Variants in CTNNA3 observed in about 807,000 individuals in gnomAD.
CTNNA3 encodes catenin alpha 3.
CTNNA3 carries 76 observed loss-of-function variants against 95.7 expected under a neutral mutation model. The ratio of observed to expected loss-of-function variants is 0.79; its 90% CI spans 0.66 to 0.96. CTNNA3 has a LOEUF of 0.96. Among genes scored for constraint, CTNNA3 ranks in the 40% least tolerant of loss-of-function variants. CTNNA3 has a pLI of 0.00. For missense variants in CTNNA3, 1,191 were observed against 1,089.8 expected, an observed-to-expected ratio of 1.09 and a Z score of -1.31; for synonymous variants, 431 against 374.4, an observed-to-expected ratio of 1.15 and a Z score of -1.74.
At chr10:66,514,936 G>T (rs909217072) in intron 11 of CTNNA3, among the ~76,000 whole-genome samples, 10 of 151,944 alleles carry the variant, frequency 6.6e-5, no homozygotes, top group Admixed American at 6.6e-4. Flanking sequence ...AATGATCATT[G>T]AAAAACTTTC....
intron 1 of CTNNA3, among the ~76,000 whole-genome samples, chr10:67,693,593 ATAT>A (rs749189083): frequency 5.3e-5 from 8 of 152,196 alleles, no homozygotes; most frequent in Non-Finnish European, 1.0e-4. Flanking sequence ...TTTTCTCTAA[ATAT>A]TATTACTGAA....
At chr10:66,773,127 G>A (rs1367363667) in intron 8 of CTNNA3, among the ~76,000 whole-genome samples, 1 of 152,050 alleles carries the variant, frequency 6.6e-6, no homozygotes, top group Non-Finnish European at 1.5e-5. Context: ...ACTAGGGGGA[G>A]GGTAAGTGAG....
At chr10:66,342,685 T>C (rs945124233) in intron 12 of CTNNA3, among the ~76,000 whole-genome samples, 1 of 152,056 alleles carries the variant, frequency 6.6e-6, no homozygotes, top group Non-Finnish European at 1.5e-5. Flanking sequence ...TAAATATTGG[T>C]CATATAATTC....
intron 9 of CTNNA3, among the ~76,000 whole-genome samples, chr10:66,750,215 T>G (rs1194327977): frequency 1.3e-5 from 2 of 152,240 alleles, no homozygotes; most frequent in African/African-American, 2.4e-5. Context: ...TTGTTTTTAT[T>G]TTAATGAAAT....
At chr10:66,589,086 G>A (rs1208363666) in intron 10 of CTNNA3, among the ~76,000 whole-genome samples, 1 of 152,106 alleles carries the variant, frequency 6.6e-6, no homozygotes, top group East Asian at 1.9e-4. Context: ...CATTTAAAAT[G>A]TATCTTGTTT....
In CTNNA3 at chr10:66,729,383, C is replaced by T. The variant is rs561783751; in HGVS notation, c.1281+36881G>A. Among the ~76,000 whole-genome samples, 35 of 152,350 alleles carry T rather than the reference C, an allele frequency of 2.3e-4. 1 individual carries two copies. In the South Asian group the frequency reaches 7.0e-3, roughly 31 times the overall value. The stretch of plus-strand genomic sequence containing the variant: ...AAATTAGTTCAACAATTGCGGAAGA[C>T]AGTGTGGCAATTCCTCAAAGATCTA... On this transcript the variant is annotated intron_variant, in intron 9 of 17. Transcript: ENST00000433211.
intron 12 of CTNNA3, among the ~76,000 whole-genome samples, chr10:66,362,096 A>AT (rs569047811): frequency 0.017 from 1,380 of 81,598 alleles, 36 homozygotes; most frequent in African/African-American, 0.038. Flanking sequence ...TTCATACACA[A>AT]TTTTTTTTTT....
intron 7 of CTNNA3, among the ~76,000 whole-genome samples, chr10:66,955,909 C>T (rs1196331845): frequency 6.6e-6 from 1 of 152,134 alleles, no homozygotes; most frequent in South Asian, 2.1e-4. Flanking sequence ...AGTGACGCTA[C>T]AACATGGCAT....
At chr10:66,687,705 A>G (rs1306627047) in intron 9 of CTNNA3, among the ~76,000 whole-genome samples, 3 of 45,290 alleles carry the variant, frequency 6.6e-5, no homozygotes, top group Non-Finnish European at 8.9e-5. Context: ...TGATTCATAT[A>G]TATATATATA....
At chr10:66,749,202 C>CAAAAAAAAAAAAAAA (rs35568730) in intron 9 of CTNNA3, among the ~76,000 whole-genome samples, 1 of 50,856 alleles carries the variant, frequency 2.0e-5, no homozygotes, top group Non-Finnish European at 3.3e-5. Flanking sequence ...AACTCCAACT[C>CAAAAAAAAAAAAAAA]AAAAAAAAAA....
At chr10:66,683,003 A>G (rs1249196410) in intron 9 of CTNNA3, among the ~76,000 whole-genome samples, 1 of 152,130 alleles carries the variant, frequency 6.6e-6, no homozygotes, top group Non-Finnish European at 1.5e-5. Flanking sequence ...GCCAGATCTT[A>G]ACGTTGTACA....
In CTNNA3 at chr10:66,547,347, CT is replaced by C. The variant is rs1296263060; in HGVS notation, c.1375-26575del. Among the ~76,000 whole-genome samples, 320 of 109,298 alleles carry C rather than the reference CT, an allele frequency of 2.9e-3. 9 individuals carry two copies. The highest frequency in any genetic ancestry group is 0.011 in the African/African-American group (306 of 28,518). The allele number at this position is 109,298 out of a possible 152,430, so 71.7% of individuals were successfully genotyped here. On this transcript the variant is annotated intron_variant, in intron 10 of 17. Coordinates refer to ENST00000433211, the MANE Select transcript of CTNNA3 (RefSeq NM_013266.4). ...TTGTTCCTTTGATTTTTCTTTCTTT[CT>C]TTTTTTTTTTTTTGAGATAGAGTCT...
chr10:66,959,474 C>T (rs998719067), intron 7 of CTNNA3, among the ~76,000 whole-genome samples: 1 of 152,038 alleles, frequency 6.6e-6, no homozygotes, highest in Admixed American at 6.6e-5. Context: ...GCCAAGAGAA[C>T]AAAAATATGC....
chr10:67,125,820 A>T (rs1048994439), intron 7 of CTNNA3, among the ~76,000 whole-genome samples: 4 of 152,158 alleles, frequency 2.6e-5, no homozygotes, highest in Non-Finnish European at 5.9e-5. Flanking sequence ...GGTGATTATG[A>T]TATTTAAAGG....
intron 7 of CTNNA3, among the ~76,000 whole-genome samples, chr10:67,153,085 C>G (rs7089961): frequency 0.63 from 95,900 of 151,706 alleles, 31,513 homozygotes; most frequent in African/African-American, 0.82. Flanking sequence ...AAGCGATTCT[C>G]CTGCCTCAGC....
intron 5 of CTNNA3, among the ~76,000 whole-genome samples, chr10:67,476,970 T>G (rs1011047235): frequency 1.3e-5 from 2 of 151,638 alleles, no homozygotes; most frequent in Non-Finnish European, 2.9e-5. Context: ...GTGCAGAGAT[T>G]ATGATGAAGT....
chr10:67,444,921 CAA>C (rs1846681941), intron 5 of CTNNA3, among the ~76,000 whole-genome samples: 2 of 152,070 alleles, frequency 1.3e-5, no homozygotes, highest in South Asian at 4.2e-4. Flanking sequence ...ATCCAGCAAA[CAA>C]AGGCTCAGGA....
chr10:66,705,850 T>C (rs1304718141), intron 9 of CTNNA3, among the ~76,000 whole-genome samples: 1 of 152,092 alleles, frequency 6.6e-6, no homozygotes, highest in Non-Finnish European at 1.5e-5. Flanking sequence ...TTCCTACCTC[T>C]TGTTTGAAAC....
chr10:67,740,885 A>G (rs553702716), intron 1 of CTNNA3, among the ~76,000 whole-genome samples: 16 of 151,478 alleles, frequency 1.1e-4, no homozygotes, highest in African/African-American at 3.6e-4. Flanking sequence ...CACTATTCAC[A>G]ATAGCAAAGA....
Sources: gnomAD v4.1 joint callset for allele counts (sites outside exome capture counted in the v4.1 genomes callset) on GRCh38, gnomAD v4.1.1 for gene constraint, MANE v1.5 for transcripts, NCBI Gene and HGNC (gene_info 2026-07-23, HGNC 2026-07-21) for gene names.